The following TSPAN18 variants were observed in gnomAD, a reference collection of about 807,000 sequenced individuals.
TSPAN18 encodes the protein tetraspanin 18, also known as tetraspanin-18.
In TSPAN18, 14 loss-of-function variants were observed where a neutral mutation model predicts 27.3. The ratio of observed to expected loss-of-function variants is 0.51; its 90% CI spans 0.34 to 0.80. The LOEUF is 0.80. Ranked by LOEUF, TSPAN18 falls within the 30% of genes least tolerant of loss-of-function variation. TSPAN18 has a pLI of 0.01. For synonymous variants in TSPAN18, 143 were observed against 136.5 expected (o/e 1.05, Z -0.33); for missense variants, 268 against 323.9 (o/e 0.83, Z 1.32).
rs149091051 is a variant in TSPAN18, at chr11:44,926,685, G to T, written c.627G>T (p.Thr209=). 207 of 1,614,100 alleles carry T rather than the reference G, an allele frequency of 1.3e-4. 1 individual carries two copies. In the African/African-American group the frequency reaches 2.4e-3, roughly 19 times the overall value. Residue 209 remains threonine, a synonymous_variant, in exon 9 of 10, where the codon ACG becomes ACT. Coordinates refer to ENST00000520358, the MANE Select transcript of TSPAN18 (RefSeq NM_130783.5). The part of the protein sequence containing the change: ...SLFLNKQGCY[T]VILNTFETYV... ...TCCCTCCCTCCCAGGGCTGTTACAC[G>T]GTGATCCTCAACACCTTCGAGACCT...
At chr11:44,730,605 G>C (rs148090739) in intron 1 of TSPAN18, among the ~76,000 whole-genome samples, 124 of 151,798 alleles carry the variant, frequency 8.2e-4, no homozygotes, top group African/African-American at 2.9e-3. Flanking sequence ...CTGAGGGAGT[G>C]GGGGTGGATC....
At chr11:44,760,902 G>C (rs1374635210) in intron 1 of TSPAN18, among the ~76,000 whole-genome samples, 1 of 152,004 alleles carries the variant, frequency 6.6e-6, no homozygotes, top group East Asian at 1.9e-4. Flanking sequence ...TTTCTTAGAA[G>C]TACTTAAAAT....
rs140530161 is a variant in TSPAN18 at position 44,791,992 on chromosome 11, C to G, written c.-153+27480C>G. Among the ~76,000 whole-genome samples, 6 of 152,132 alleles carry G rather than the reference C, an allele frequency of 3.9e-5. 1 individual carries two copies. The South Asian group carries it at 1.0e-3, about 26-fold the overall frequency. ...AGACAATGTCCTGGATAGGGGGGTG[C>G]AGCAGTGGACAGAAGCCCCTCCTTT... On this transcript the variant is annotated intron_variant, in intron 2 of 9. Transcript: ENST00000520358.
At chr11:44,884,501 C>T (rs1035509697) in intron 3 of TSPAN18, among the ~76,000 whole-genome samples, 2 of 152,240 alleles carry the variant, frequency 1.3e-5, no homozygotes, top group African/African-American at 4.8e-5. Flanking sequence ...GTTCCTTTAG[C>T]CTCTTCTGTT....
intron 2 of TSPAN18, among the ~76,000 whole-genome samples, chr11:44,828,729 G>T (rs1857095514): frequency 6.6e-6 from 1 of 152,174 alleles, no homozygotes. Flanking sequence ...TAGCCCAGCT[G>T]CAGTGAATGG....
At chr11:44,762,045 C>G (rs1053467845) in intron 1 of TSPAN18, among the ~76,000 whole-genome samples, 1 of 152,190 alleles carries the variant, frequency 6.6e-6, no homozygotes, top group African/African-American at 2.4e-5. Flanking sequence ...TGAGGTGACT[C>G]AATCCAGCAT....
intron 2 of TSPAN18, among the ~76,000 whole-genome samples, chr11:44,822,212 G>A (rs1856942890): frequency 6.6e-6 from 1 of 152,020 alleles, no homozygotes; most frequent in South Asian, 2.1e-4. Flanking sequence ...TTGATATGGG[G>A]GTCTTTCTTA....
At chr11:44,822,373 A>G (rs1398303575) in intron 2 of TSPAN18, among the ~76,000 whole-genome samples, 2 of 152,058 alleles carry the variant, frequency 1.3e-5, no homozygotes, top group African/African-American at 4.8e-5. Flanking sequence ...TCACTCAGCG[A>G]CAATCCAGTG....
intron 5 of TSPAN18, among the ~76,000 whole-genome samples, chr11:44,913,901 G>T (rs1859813199): frequency 6.6e-6 from 1 of 152,266 alleles, no homozygotes; most frequent in Non-Finnish European, 1.5e-5. Flanking sequence ...TTCCCCAAAG[G>T]ACTTTAACAC....
intron 2 of TSPAN18, among the ~76,000 whole-genome samples, chr11:44,785,896 A>C (rs6485577): frequency 0.13 from 19,785 of 152,250 alleles, 1,712 homozygotes; most frequent in Middle Eastern, 0.21. Context: ...GGTTGCAAAC[A>C]CTTGCTACTT....
intron 9 of TSPAN18, 140 bp from the exon 10 acceptor site, chr11:44,928,991 C>T: frequency 9.1e-7 from 1 of 1,097,462 alleles, no homozygotes. Context: ...GGGCTGGCCC[C>T]AGGGGAATGT....
chr11:44,905,975 C>A (rs1331622450), intron 3 of TSPAN18, among the ~76,000 whole-genome samples: 1 of 152,140 alleles, frequency 6.6e-6, no homozygotes, highest in Non-Finnish European at 1.5e-5. Context: ...CTGGTCCAGG[C>A]TCTGGGCCTT....
chr11:44,867,389 CTTTTTTTTTTTT>C (rs71038824), intron 3 of TSPAN18, among the ~76,000 whole-genome samples: 25 of 60,424 alleles, frequency 4.1e-4, no homozygotes, highest in East Asian at 1.1e-3. Flanking sequence ...GTTTATGAAT[CTTTTTTTTTTTT>C]TTTTTTTTTT....
At chr11:44,753,569 A>G (rs976089617) in intron 1 of TSPAN18, among the ~76,000 whole-genome samples, 2 of 152,150 alleles carry the variant, frequency 1.3e-5, no homozygotes, top group Non-Finnish European at 2.9e-5. Context: ...TTTTATTGTA[A>G]TCTCCAATTT....
At chr11:44,829,278 G>A (rs1049394118) in intron 2 of TSPAN18, among the ~76,000 whole-genome samples, 9 of 152,022 alleles carry the variant, frequency 5.9e-5, no homozygotes, top group Admixed American at 2.0e-4. Context: ...TGTGTCTACC[G>A]GTACTGTGTC....
At chr11:44,924,024 C>A (rs1860246210) in intron 8 of TSPAN18, among the ~76,000 whole-genome samples, 1 of 152,040 alleles carries the variant, frequency 6.6e-6, no homozygotes, top group Non-Finnish European at 1.5e-5. Flanking sequence ...TGCCAGTTTC[C>A]CCGGGTGAGG....
chr11:44,909,944 T>G (rs1590673759), intron 5 of TSPAN18, 45 bp downstream of exon 5: 1 of 1,559,392 alleles, frequency 6.4e-7, no homozygotes, highest in Non-Finnish European at 8.7e-7. Flanking sequence ...CTCTGAGGGG[T>G]GTCAGGGATT....
At chr11:44,767,695 G>A (rs1855601650) in intron 2 of TSPAN18, among the ~76,000 whole-genome samples, 1 of 152,224 alleles carries the variant, frequency 6.6e-6, no homozygotes, top group Non-Finnish European at 1.5e-5. Context: ...CGAGATCATG[G>A]AGATTTACTC....
intron 3 of TSPAN18, among the ~76,000 whole-genome samples, chr11:44,882,793 G>A (rs1472191103): frequency 6.6e-6 from 1 of 152,132 alleles, no homozygotes; most frequent in Admixed American, 6.5e-5. Context: ...TAGCTGGCTG[G>A]CCGTGAAGCC....
Sources: gnomAD v4.1 joint callset for allele counts (sites outside exome capture counted in the v4.1 genomes callset) on GRCh38, gnomAD v4.1.1 for gene constraint, MANE v1.5 for transcripts, NCBI Gene and HGNC (gene_info 2026-07-23, HGNC 2026-07-21) for gene names.